The following SLCO3A1 variants were observed in gnomAD, a reference collection of about 807,000 sequenced individuals.
The protein encoded by SLCO3A1 is PGE1 transporter.
Under a neutral mutation model 63.1 loss-of-function variants are expected in SLCO3A1, and 27 were observed. The observed-to-expected ratio is 0.43, with a 90% CI of 0.32 to 0.59. The LOEUF is 0.59. Ranked by LOEUF, SLCO3A1 falls within the 20% of genes least tolerant of loss-of-function variation. The pLI, the probability that SLCO3A1 is intolerant of heterozygous loss-of-function variation, is 0.09. For synonymous variants in SLCO3A1, 473 were observed against 409.9 expected (o/e 1.15, Z -1.86); for missense variants, 773 against 945.8 (o/e 0.82, Z 2.40).
chr15:92,018,967 C>A (rs2046472954), intron 2 of SLCO3A1, among the ~76,000 whole-genome samples: 1 of 152,126 alleles, frequency 6.6e-6, no homozygotes, highest in Non-Finnish European at 1.5e-5. Flanking sequence ...TTTTTCCCCC[C>A]AGGAGGCTAT....
In SLCO3A1 at chr15:92,019,237, C is replaced by G. The variant is rs145030471; in HGVS notation, c.647-75644C>G. Reference sequence around the variant, plus strand: ...ACTATCTGCCTGACTCTTGGCTCTACCACTTACCAGCTCTGTGACCCTGGG... The same window carrying G: ...ACTATCTGCCTGACTCTTGGCTCTAGCACTTACCAGCTCTGTGACCCTGGG... On this transcript the variant is annotated intron_variant, in intron 2 of 9. Coordinates refer to ENST00000318445, the MANE Select transcript of SLCO3A1 (RefSeq NM_013272.4). Among the ~76,000 whole-genome samples the G allele has an allele frequency of 5.5e-4, 84 of 152,246 alleles. No individual in the cohort carries two copies. In the East Asian group the frequency reaches 0.015, roughly 27 times the overall value.
At chr15:92,124,340 G>A (rs2047896844) in intron 5 of SLCO3A1, among the ~76,000 whole-genome samples, 1 of 152,164 alleles carries the variant, frequency 6.6e-6, no homozygotes, top group Non-Finnish European at 1.5e-5. Context: ...GAGGGAGGGG[G>A]CCTGACAATG....
chr15:92,102,705 G>T (rs1261222669), intron 3 of SLCO3A1, among the ~76,000 whole-genome samples: 1 of 152,174 alleles, frequency 6.6e-6, no homozygotes, highest in East Asian at 1.9e-4. Flanking sequence ...GTGACTACCA[G>T]TGTTCCAAAG....
chr15:91,949,144 C>T (rs1899911340), intron 2 of SLCO3A1, among the ~76,000 whole-genome samples: 1 of 152,084 alleles, frequency 6.6e-6, no homozygotes, highest in Non-Finnish European at 1.5e-5. Context: ...AGACTGTGTG[C>T]AGCTGCTTCT....
chr15:91,972,723 C>T (rs921301312), intron 2 of SLCO3A1, among the ~76,000 whole-genome samples: 1 of 152,150 alleles, frequency 6.6e-6, no homozygotes, highest in Non-Finnish European at 1.5e-5. Flanking sequence ...AGGACAGAGG[C>T]CCAGGGAATG....
At chr15:92,058,356 T>C (rs1044516910) in intron 2 of SLCO3A1, among the ~76,000 whole-genome samples, 3 of 152,180 alleles carry the variant, frequency 2.0e-5, no homozygotes, top group East Asian at 1.9e-4. Flanking sequence ...GGGTTCATTA[T>C]TGAGTTTTTC....
chr15:91,983,866 C>G (rs776837711), intron 2 of SLCO3A1, among the ~76,000 whole-genome samples: 1 of 152,118 alleles, frequency 6.6e-6, no homozygotes, highest in Non-Finnish European at 1.5e-5. Context: ...ATGTCACATT[C>G]CTGGACCATA....
Position 91,854,169 on chromosome 15 carries a change from G to A in SLCO3A1, c.180+81G>A. ...GGCCGCCTGGCCCGACGAGGGGGCCGCCCGGCGCTGGGGGCAGGCGGGCAT... is the reference window on the plus strand; with the variant it reads ...GGCCGCCTGGCCCGACGAGGGGGCCACCCGGCGCTGGGGGCAGGCGGGCAT... On this transcript the variant is annotated intron_variant, in intron 1 of 9. Coordinates refer to ENST00000318445, the MANE Select transcript of SLCO3A1 (RefSeq NM_013272.4). This position sits in a 1 kb window ranked among gnomAD's most constrained non-coding sequence, Gnocchi z 6.4. 1 of 1,240,068 alleles carries A rather than the reference G, an allele frequency of 8.1e-7. No homozygotes were observed. Among genetic ancestry groups the A allele is most frequent in the East Asian group, 3.3e-5 (1 of 30,710 alleles). 76.8% of individuals were successfully genotyped at this position (1,240,068 alleles called of 1,614,324 possible).
intron 2 of SLCO3A1, among the ~76,000 whole-genome samples, chr15:91,943,818 G>A (rs529290018): frequency 3.3e-4 from 50 of 152,258 alleles, no homozygotes; most frequent in Admixed American, 5.9e-4. Context: ...GGCATCGCTG[G>A]CTTCCTCTCC....
At chr15:91,951,105 T>C (rs1356198577) in intron 2 of SLCO3A1, among the ~76,000 whole-genome samples, 1 of 152,128 alleles carries the variant, frequency 6.6e-6, no homozygotes, top group East Asian at 1.9e-4. Flanking sequence ...ATTCACCCTT[T>C]TAAATTGTAA....
intron 2 of SLCO3A1, among the ~76,000 whole-genome samples, chr15:92,061,367 A>T (rs2047084346): frequency 6.6e-6 from 1 of 152,180 alleles, no homozygotes; most frequent in South Asian, 2.1e-4. Context: ...GGCTTGTCTG[A>T]GTTCCATCCC....
intron 1 of SLCO3A1, among the ~76,000 whole-genome samples, chr15:91,880,397 C>CTGTGTGTGTGTG (rs747889224): frequency 7.2e-4 from 68 of 94,198 alleles, no homozygotes; most frequent in African/African-American, 1.9e-3. Context: ...CTCTCTCTCT[C>CTGTGTGTGTGTG]TCTCTCTCTC....
At chr15:91,857,855 G>T (rs1896962945) in intron 1 of SLCO3A1, among the ~76,000 whole-genome samples, 1 of 152,136 alleles carries the variant, frequency 6.6e-6, no homozygotes, top group Admixed American at 6.5e-5. Context: ...TCCTCAGGTT[G>T]AAAACTGAAA....
Position 91,889,127 on chromosome 15 carries a change from G to T in SLCO3A1, c.181-26866G>T, listed in dbSNP as rs1376485022. On this transcript the variant is annotated intron_variant, in intron 1 of 9. Coordinates refer to ENST00000318445, the MANE Select transcript of SLCO3A1 (RefSeq NM_013272.4). ...ATAAATATATTCCAGCTAAGTGGAC[G>T]TGGATGGTTTTCTGCATAAACTCTT... 5.5e-6 allele frequency: 7 copies of T among 1,266,534 alleles called. No homozygotes were observed. In the Admixed American group the frequency reaches 1.7e-4, roughly 31 times the overall value. 78.5% of individuals were successfully genotyped at this position (1,266,534 alleles called of 1,614,324 possible).
intron 2 of SLCO3A1, among the ~76,000 whole-genome samples, chr15:92,051,235 A>G (rs1162305355): frequency 6.6e-6 from 1 of 152,202 alleles, no homozygotes; most frequent in Non-Finnish European, 1.5e-5. Context: ...AACTTGAAAC[A>G]GGTGTGATTT....
At chr15:92,075,858 T>G (rs148557841) in intron 2 of SLCO3A1, among the ~76,000 whole-genome samples, 1 of 152,184 alleles carries the variant, frequency 6.6e-6, no homozygotes, top group African/African-American at 2.4e-5. Context: ...CCCTCTCTCA[T>G]ATAGTGAGTG....
chr15:92,137,889 A>C (rs1182275108), intron 7 of SLCO3A1, among the ~76,000 whole-genome samples: 7 of 117,070 alleles, frequency 6.0e-5, no homozygotes, highest in Non-Finnish European at 1.0e-4. Flanking sequence ...TTGTCAGATG[A>C]GTAGGTTGCG....
At chr15:92,100,407 T>C (rs1417370048) in intron 3 of SLCO3A1, among the ~76,000 whole-genome samples, 1 of 152,246 alleles carries the variant, frequency 6.6e-6, no homozygotes, top group Non-Finnish European at 1.5e-5. Context: ...CCTGGGATAC[T>C]GTCTCTACCT....
At chr15:91,892,779 T>G (rs1186248674) in intron 1 of SLCO3A1, among the ~76,000 whole-genome samples, 1 of 152,208 alleles carries the variant, frequency 6.6e-6, no homozygotes, top group Non-Finnish European at 1.5e-5. Flanking sequence ...ACCAGCTGCG[T>G]GACTACTCCC....
Sources: gnomAD v4.1 joint callset for allele counts (sites outside exome capture counted in the v4.1 genomes callset) on GRCh38, gnomAD v4.1.1 for gene constraint, Gnocchi (gnomAD v3.1) non-coding constraint, MANE v1.5 for transcripts, NCBI Gene and HGNC (gene_info 2026-07-23, HGNC 2026-07-21) for gene names.